The following APP variants were observed in gnomAD, a reference collection of about 807,000 sequenced individuals.
APP encodes the protein amyloid-beta precursor protein.
A neutral mutation model predicts 101.4 loss-of-function variants in APP; 31 were observed. The observed-to-expected ratio is 0.31, with a 90% confidence interval of 0.23 to 0.41. APP has a LOEUF of 0.41. APP is among the 10% of genes least tolerant of loss of function. The probability of loss-of-function intolerance (pLI) is 1.00; values close to 1 mark genes in which losing one functional copy is unlikely to be tolerated. For synonymous variants in APP, 366 were observed against 364.4 expected, an observed-to-expected ratio of 1.00 and a Z score of -0.05; for missense variants, 839 against 1,003.7, an observed-to-expected ratio of 0.84 and a Z score of 2.22.
At chr21:26,159,299 T>G (rs554303591) in intron 1 of APP, among the ~76,000 whole-genome samples, 1 of 152,312 alleles carries the variant, frequency 6.6e-6, no homozygotes, top group Non-Finnish European at 1.5e-5. Context: ...CAGGATGGAC[T>G]GGATCTCCTG....
Position 26,033,254 on chromosome 21 carries a change from G to T in APP, c.663-11212C>A, listed in dbSNP as rs1427163644. Among the ~76,000 whole-genome samples the T allele has an allele frequency of 2.0e-5, 3 of 152,154 alleles. No individual in the cohort carries two copies. The East Asian group carries it at 5.8e-4, about 29-fold the overall frequency. On this transcript the variant is annotated intron_variant, in intron 5 of 17. Coordinates refer to ENST00000346798, the MANE Select transcript of APP (RefSeq NM_000484.4). ...GGAGTGGTTTCCCCATGCTGTTCTC[G>T]TGACAGTGAGGGAGTTCTCAGGAGA...
chr21:25,997,285 G>A, intron 8 of APP, 75 bp downstream of exon 8: 1 of 1,352,234 alleles, frequency 7.4e-7, no homozygotes, highest in Non-Finnish European at 1.1e-6. Context: ...CAAAGAAGGT[G>A]ATGATGCTGG....
intron 6 of APP, among the ~76,000 whole-genome samples, chr21:26,007,726 C>T (rs551244591): frequency 3.3e-5 from 5 of 152,052 alleles, no homozygotes; most frequent in East Asian, 1.9e-4. Flanking sequence ...TAAAAGCCAA[C>T]ACAATAGAAA....
At chr21:26,145,545 C>T (rs1749796397) in intron 1 of APP, among the ~76,000 whole-genome samples, 1 of 152,138 alleles carries the variant, frequency 6.6e-6, no homozygotes, top group South Asian at 2.1e-4. Context: ...GGCCCGGTTC[C>T]TAGCAGGCCA....
intron 13 of APP, among the ~76,000 whole-genome samples, chr21:25,925,956 A>G (rs1462155801): frequency 6.6e-6 from 1 of 152,214 alleles, no homozygotes; most frequent in South Asian, 2.1e-4. Flanking sequence ...AACCAAAAAC[A>G]AACAACAAAC....
intron 3 of APP, among the ~76,000 whole-genome samples, chr21:26,058,198 A>T (rs1268359047): frequency 6.6e-6 from 1 of 152,204 alleles, no homozygotes; most frequent in Non-Finnish European, 1.5e-5. Context: ...TCCAGACAGA[A>T]GGCAGGAGAA....
intron 1 of APP, among the ~76,000 whole-genome samples, chr21:26,138,560 T>C (rs991408612): frequency 6.7e-6 from 1 of 149,884 alleles, no homozygotes; most frequent in Non-Finnish European, 1.5e-5. Flanking sequence ...AGGCATGGTG[T>C]TCCTCTCCTG....
intron 11 of APP, among the ~76,000 whole-genome samples, chr21:25,964,745 C>G (rs1020196447): frequency 1.3e-5 from 2 of 151,912 alleles, no homozygotes; most frequent in African/African-American, 4.8e-5. Context: ...GGATTACAGG[C>G]ATGCGCCACC....
At chr21:26,139,790 G>A (rs1426705441) in intron 1 of APP, among the ~76,000 whole-genome samples, 1 of 152,144 alleles carries the variant, frequency 6.6e-6, no homozygotes. Flanking sequence ...CTACTCAGGA[G>A]GCTGAGGGAG....
intron 1 of APP, among the ~76,000 whole-genome samples, chr21:26,141,383 G>A (rs2063042594): frequency 6.6e-6 from 1 of 152,116 alleles, no homozygotes; most frequent in Non-Finnish European, 1.5e-5. Flanking sequence ...AGAAAAGAAA[G>A]CAACAAACCC....
intron 1 of APP, among the ~76,000 whole-genome samples, chr21:26,151,483 C>CT (rs916706901): frequency 1.1e-4 from 17 of 148,796 alleles, no homozygotes; most frequent in South Asian, 4.3e-4. Context: ...CGTTCATTAC[C>CT]TTTTTTTTTT....
chr21:25,956,562 CT>C (rs1364740186), intron 11 of APP, among the ~76,000 whole-genome samples: 1 of 152,190 alleles, frequency 6.6e-6, no homozygotes, highest in Admixed American at 6.5e-5. Context: ...CACAACATTT[CT>C]TCTTCATTAA....
intron 12 of APP, 65 bp from the exon 13 acceptor site, chr21:25,954,754 C>CT: frequency 7.3e-6 from 10 of 1,370,646 alleles, no homozygotes; most frequent in Non-Finnish European, 1.0e-5. Context: ...CTTTTTCTTT[C>CT]TTTTTTTCTT....
intron 13 of APP, among the ~76,000 whole-genome samples, chr21:25,935,880 A>G (rs2040344112): frequency 6.6e-6 from 1 of 150,520 alleles, no homozygotes; most frequent in Non-Finnish European, 1.5e-5. Context: ...ATCCCTCCAT[A>G]CAAGTGTATG....
intron 3 of APP, chr21:26,053,627 A>T (rs1370329097): frequency 6.0e-6 from 2 of 333,014 alleles, no homozygotes; most frequent in South Asian, 6.4e-5. Context: ...AATTAATCCT[A>T]AAAAAGCTGC....
intron 3 of APP, chr21:26,068,145 C>G (rs7283815): frequency 6.6e-6 from 1 of 152,114 alleles, no homozygotes; most frequent in African/African-American, 2.4e-5. Context: ...AAGCCATGTG[C>G]GAGGGAGGCT....
intron 3 of APP, among the ~76,000 whole-genome samples, chr21:26,082,020 C>A (rs1052074389): frequency 2.6e-5 from 4 of 152,054 alleles, no homozygotes; most frequent in African/African-American, 9.7e-5. Flanking sequence ...GAGTTTGAGA[C>A]CAACCTGGCC....
rs1035388610 is a variant in APP at position 26,053,451 on chromosome 21, C to T, written c.356-103G>A. The stretch of plus-strand genomic sequence containing the variant: ...TAGACTTCAAGACAAGTTAAACAGC[C>T]TTTTAATGCCTAAGCAACCCAATCA... On this transcript the variant is annotated intron_variant, in intron 3 of 17. Coordinates refer to ENST00000346798, the MANE Select transcript of APP (RefSeq NM_000484.4). 46 of 846,472 alleles carry T rather than the reference C, an allele frequency of 5.4e-5. 1 individual carries two copies. In the Middle Eastern group the frequency reaches 6.6e-4, roughly 12 times the overall value. The allele number at this position is 846,472 out of a possible 1,614,324, so 52.4% of individuals were successfully genotyped here.
At chr21:26,155,317 T>G (rs45504299) in intron 1 of APP, among the ~76,000 whole-genome samples, 1 of 152,214 alleles carries the variant, frequency 6.6e-6, no homozygotes. Context: ...TGTGAACATT[T>G]TGAAGACATA....
Sources: gnomAD v4.1 joint callset for allele counts (sites outside exome capture counted in the v4.1 genomes callset) on GRCh38, gnomAD v4.1.1 for gene constraint, MANE v1.5 for transcripts, NCBI Gene and HGNC (gene_info 2026-07-23, HGNC 2026-07-21) for gene names.